SKAP2: variants seen among roughly 807,000 people sequenced by gnomAD.
SKAP2 encodes the protein src kinase-associated phosphoprotein 2.
SKAP2 carries 28 observed loss-of-function variants against 54.9 expected under a neutral mutation model. The observed-to-expected ratio is 0.51, with a 90% CI of 0.38 to 0.70. SKAP2 has a LOEUF of 0.70. Ranked by LOEUF, SKAP2 falls within the 30% of genes least tolerant of loss-of-function variation. The pLI, the probability that SKAP2 is intolerant of heterozygous loss-of-function variation, is 0.00. For missense variants in SKAP2, 356 were observed against 424.1 expected (o/e 0.84, Z 1.41); for synonymous variants, 137 against 134.3 (o/e 1.02, Z -0.14).
chr7:26,662,134 AG>A (rs945623817), downstream of SKAP2, among the ~76,000 whole-genome samples: 10 of 152,154 alleles, frequency 6.6e-5, no homozygotes, highest in Non-Finnish European at 1.3e-4. Flanking sequence ...CTAAAGGGGT[AG>A]GGTCACTCTC....
chr7:26,701,536 C>T (rs1005944430), intron 9 of SKAP2, among the ~76,000 whole-genome samples: 2 of 152,024 alleles, frequency 1.3e-5, no homozygotes, highest in Non-Finnish European at 2.9e-5. Flanking sequence ...AGTTTGAAAC[C>T]AGCCTGACCA....
At chr7:26,692,570 G>T (rs1024261229) in intron 9 of SKAP2, among the ~76,000 whole-genome samples, 14 of 152,092 alleles carry the variant, frequency 9.2e-5, no homozygotes, top group African/African-American at 3.4e-4. Flanking sequence ...TCCAATATAA[G>T]GGACACCTGA....
At chr7:26,787,390 T>C (rs1459946047) in intron 4 of SKAP2, among the ~76,000 whole-genome samples, 1 of 152,060 alleles carries the variant, frequency 6.6e-6, no homozygotes, top group Non-Finnish European at 1.5e-5. Context: ...TAGCACAATC[T>C]TGGCTCACTG....
the SKAP2 span, among the ~76,000 whole-genome samples, chr7:26,661,773 A>G: frequency 6.6e-6 from 1 of 152,084 alleles, no homozygotes; most frequent in Non-Finnish European, 1.5e-5. Flanking sequence ...GAGTATCAAC[A>G]TTTTTTTCCC....
At chr7:26,687,651 G>A (rs1475250403) in intron 10 of SKAP2, among the ~76,000 whole-genome samples, 1 of 151,916 alleles carries the variant, frequency 6.6e-6, no homozygotes, top group Non-Finnish European at 1.5e-5. Context: ...TTCCTTAAAG[G>A]GCAGCAATCT....
chr7:26,812,629 T>C (rs557214567), intron 4 of SKAP2, among the ~76,000 whole-genome samples: 4 of 152,318 alleles, frequency 2.6e-5, no homozygotes, highest in African/African-American at 7.2e-5. Flanking sequence ...GTTTAAATGA[T>C]GTATATCAAA....
chr7:26,668,367 T>C lies in SKAP2; in HGVS notation c.*1299A>G, dbSNP rs1209230047. On this transcript the variant is annotated 3_prime_UTR_variant, in exon 13 of 13. Coordinates refer to ENST00000345317, the MANE Select transcript of SKAP2 (RefSeq NM_003930.5). The stretch of plus-strand genomic sequence containing the variant: ...CATAGGTATTTTAAACACCTCTGAT[T>C]TCAAATATACATGAAAAGGTAATTA... 1 of 152,188 alleles carries C rather than the reference T, an allele frequency of 6.6e-6. No individual in the cohort carries two copies. Among genetic ancestry groups the C allele is most frequent in the East Asian group, 1.9e-4 (1 of 5,198 alleles). The allele number at this position is 152,188 out of a possible 1,614,324, so 9.4% of individuals were successfully genotyped here.
At chr7:26,809,855 A>C (rs1784104675) in intron 4 of SKAP2, among the ~76,000 whole-genome samples, 1 of 152,190 alleles carries the variant, frequency 6.6e-6, no homozygotes, top group Non-Finnish European at 1.5e-5. Context: ...GAATCAGCCT[A>C]AGTGTCCATG....
intron 3 of SKAP2, among the ~76,000 whole-genome samples, chr7:26,844,353 G>C (rs1156574707): frequency 6.6e-6 from 1 of 151,942 alleles, no homozygotes; most frequent in African/African-American, 2.4e-5. Flanking sequence ...AAGAATTTTT[G>C]AAGGTCATTA....
intron 4 of SKAP2, among the ~76,000 whole-genome samples, chr7:26,759,143 A>G (rs1196344028): frequency 2.6e-5 from 4 of 152,290 alleles, no homozygotes; most frequent in African/African-American, 9.6e-5. Context: ...GGGGAAATGA[A>G]TTTTATGGCT....
intron 4 of SKAP2, among the ~76,000 whole-genome samples, chr7:26,830,268 T>TGA (rs1029564535): frequency 1.3e-5 from 2 of 151,778 alleles, no homozygotes; most frequent in Non-Finnish European, 2.9e-5. Context: ...AAACTGAGAG[T>TGA]GACTACTCAT....
intron 4 of SKAP2, among the ~76,000 whole-genome samples, chr7:26,815,688 G>A (rs1784251984): frequency 6.6e-6 from 1 of 152,106 alleles, no homozygotes; most frequent in Admixed American, 6.6e-5. Context: ...CAGTATGATG[G>A]AGGATAAATC....
chr7:26,711,201 G>A (rs577820264), intron 9 of SKAP2, among the ~76,000 whole-genome samples: 37 of 152,198 alleles, frequency 2.4e-4, no homozygotes, highest in Non-Finnish European at 5.0e-4. Context: ...CCACAAAGGT[G>A]TGGATAGAGG....
intron 4 of SKAP2, among the ~76,000 whole-genome samples, chr7:26,747,603 A>G (rs1448197616): frequency 1.3e-5 from 2 of 152,188 alleles, no homozygotes; most frequent in Non-Finnish European, 2.9e-5. Context: ...ATTTAGAACA[A>G]AAGAAGACAG....
intron 9 of SKAP2, among the ~76,000 whole-genome samples, chr7:26,712,604 G>C (rs141968154): frequency 6.6e-6 from 1 of 152,276 alleles, no homozygotes; most frequent in African/African-American, 2.4e-5. Context: ...CTCTAAACAA[G>C]TTACTGAATC....
Position 26,667,568 on chromosome 7 carries a change from C to T in SKAP2, c.*2098G>A, listed in dbSNP as rs953938239. 1.4e-4 allele frequency: 21 copies of T among 152,206 alleles called. No homozygotes were observed. The highest frequency in any genetic ancestry group is 4.4e-4 in the African/African-American group (18 of 41,296). 9.4% of individuals were successfully genotyped at this position (152,206 alleles called of 1,614,324 possible). A position where few individuals can be genotyped will look rare whatever the true frequency, so the allele number is the denominator to read the frequency against. On this transcript the variant is annotated 3_prime_UTR_variant, in exon 13 of 13. Coordinates refer to ENST00000345317, the MANE Select transcript of SKAP2 (RefSeq NM_003930.5). ...GGTGGAGATCTGAACAGAAATAACA[C>T]CTTATTTCTGTATTGTCACTGTTCA...
At chr7:26,724,848 C>T (rs1408443276) in intron 9 of SKAP2, among the ~76,000 whole-genome samples, 2 of 152,028 alleles carry the variant, frequency 1.3e-5, no homozygotes, top group South Asian at 4.1e-4. Context: ...AAACACTAAA[C>T]TAGGTCTGAG....
In SKAP2 at chr7:26,739,886, C is replaced by T; in HGVS notation, c.385+1G>A. On this transcript the variant is annotated splice_donor_variant, in intron 5 of 12. Transcript: ENST00000345317. LOFTEE classifies it high-confidence loss of function. ...ATTTTTCATTAGAACCTTCAGTTTA[C>T]CTTTTCTGCGTTTTTCAAGGTAGCC... 1 of 1,603,880 alleles carries T rather than the reference C, an allele frequency of 6.2e-7. No homozygotes were observed. Among genetic ancestry groups the T allele is most frequent in the Non-Finnish European group, 8.5e-7 (1 of 1,172,854 alleles).
chr7:26,726,153 C>G (rs757105548), intron 7 of SKAP2, among the ~76,000 whole-genome samples, 167 bp from the exon 8 acceptor site: 6 of 152,024 alleles, frequency 3.9e-5, no homozygotes, highest in Non-Finnish European at 8.8e-5. Flanking sequence ...CAAATTTATG[C>G]AATTGAAGCA....
Sources: allele counts gnomAD v4.1 joint callset (sites outside exome capture counted in the v4.1 genomes callset), GRCh38; gene constraint gnomAD v4.1.1; transcripts MANE v1.5; gene names NCBI Gene and HGNC (gene_info 2026-07-23, HGNC 2026-07-21).